Variants in STUM observed in about 807,000 individuals in gnomAD.
STUM encodes stum, mechanosensory transduction mediator homolog, also known as protein stum homolog.
In STUM, 8 loss-of-function variants were observed where a neutral mutation model predicts 15.3. That is an observed-to-expected ratio of 0.52 (90% CI 0.31 to 0.94). The LOEUF is 0.94. STUM is among the 40% of genes least tolerant of loss of function. The pLI, the probability that STUM is intolerant of heterozygous loss-of-function variation, is 0.05. For synonymous variants in STUM, 78 were observed against 88.7 expected (o/e 0.88, Z 0.68); for missense variants, 142 against 204.9 (o/e 0.69, Z 1.87).
intron 1 of STUM, among the ~76,000 whole-genome samples, chr1:226,580,326 G>A (rs1667898232): frequency 1.3e-5 from 2 of 152,256 alleles, no homozygotes; most frequent in African/African-American, 4.8e-5. Flanking sequence ...CAGAAGAGGT[G>A]TCAAGTAAGC....
intron 1 of STUM, among the ~76,000 whole-genome samples, chr1:226,594,638 T>C (rs553927915): frequency 1.1e-4 from 16 of 152,176 alleles, no homozygotes; most frequent in African/African-American, 3.4e-4. Context: ...ACAGAACAAG[T>C]AGGATATATG....
At chr1:226,566,954 A>G (rs1486719134) in intron 1 of STUM, among the ~76,000 whole-genome samples, 3 of 151,708 alleles carry the variant, frequency 2.0e-5, no homozygotes, top group African/African-American at 7.3e-5. Flanking sequence ...TGTTGGGGGG[A>G]AGGTAGGTGG....
intron 1 of STUM, among the ~76,000 whole-genome samples, chr1:226,591,120 G>T (rs2282426): frequency 0.42 from 64,416 of 152,090 alleles, 13,869 homozygotes; most frequent in Admixed American, 0.49. Flanking sequence ...ACACCTCTTC[G>T]TAGGAAAATG....
chr1:226,554,868 A>G (rs1344852253), intron 1 of STUM, among the ~76,000 whole-genome samples: 2 of 149,754 alleles, frequency 1.3e-5, no homozygotes, highest in Non-Finnish European at 3.0e-5. Context: ...GCTATCTCCA[A>G]TTCCTCCTCT....
Position 226,578,545 on chromosome 1 carries a change from T to G in STUM, c.203-18257T>G, listed in dbSNP as rs767905244. Reference sequence around the variant, plus strand: ...CATGCCTGGCTAATTTTTAAATTACTTGTAGAGACAAGGTCTTATGTTGCC... The same window carrying G: ...CATGCCTGGCTAATTTTTAAATTACGTGTAGAGACAAGGTCTTATGTTGCC... On this transcript the variant is annotated intron_variant, in intron 1 of 3. Transcript: ENST00000366788. Among the ~76,000 whole-genome samples the G allele has an allele frequency of 4.1e-4, 61 of 148,398 alleles. 1 individual carries two copies. The highest frequency in any genetic ancestry group is 7.8e-4 in the Non-Finnish European group (52 of 66,918).
At chr1:226,553,530 G>C (rs926376703) in intron 1 of STUM, among the ~76,000 whole-genome samples, 7 of 152,162 alleles carry the variant, frequency 4.6e-5, no homozygotes, top group African/African-American at 1.7e-4. Flanking sequence ...GGTTATTAGG[G>C]ATATGATGTA....
rs1668397034 is a variant in STUM at position 226,608,465 on chromosome 1, A to G, written c.*6425A>G. 1 of 152,098 alleles carries G rather than the reference A, an allele frequency of 6.6e-6. No homozygotes were observed. The highest frequency in any genetic ancestry group is 6.5e-5 in the Admixed American group (1 of 15,284). The allele number at this position is 152,098 out of a possible 1,614,324, so 9.4% of individuals were successfully genotyped here. The stretch of plus-strand genomic sequence containing the variant: ...TTTTTTTTTAAACAACATATATAAA[A>G]ACAAAACAACTGGTTCTGTGTGTAT... On this transcript the variant is annotated 3_prime_UTR_variant, in exon 4 of 4. Transcript: ENST00000366788. The surrounding 1 kb of genome is among the most constrained non-coding windows in gnomAD (Gnocchi z 4.0).
intron 1 of STUM, among the ~76,000 whole-genome samples, chr1:226,578,527 G>T (rs774010561): frequency 1.3e-5 from 2 of 150,402 alleles, no homozygotes; most frequent in African/African-American, 4.9e-5. Context: ...CACCATGCCT[G>T]GCTAATTTTT....
chr1:226,553,401 C>T (rs1266702668), intron 1 of STUM, among the ~76,000 whole-genome samples: 1 of 152,118 alleles, frequency 6.6e-6, no homozygotes, highest in African/African-American at 2.4e-5. Context: ...AGACAAAGAG[C>T]CATGCAAAAG....
chr1:226,579,998 G>C (rs937307295), intron 1 of STUM, among the ~76,000 whole-genome samples: 8 of 152,214 alleles, frequency 5.3e-5, no homozygotes, highest in African/African-American at 1.9e-4. Flanking sequence ...CATCCCTGTA[G>C]CTGTTGTAGG....
rs190326506 is a variant in STUM, at chr1:226,583,711, T to C, written c.203-13091T>C. ...GCTATCTTTTGATAAACTTCTGGACTTCCTATAGCATGGCTGCAGTGCAGT... is the reference window on the plus strand; with the variant it reads ...GCTATCTTTTGATAAACTTCTGGACCTCCTATAGCATGGCTGCAGTGCAGT... On this transcript the variant is annotated intron_variant, in intron 1 of 3. Coordinates refer to ENST00000366788, the MANE Select transcript of STUM (RefSeq NM_001003665.4). Among the ~76,000 whole-genome samples, 330 of 152,314 alleles carry C rather than the reference T, an allele frequency of 2.2e-3. 2 individuals carry two copies. Among genetic ancestry groups the C allele is most frequent in the African/African-American group, 7.8e-3 (324 of 41,562 alleles).
intron 1 of STUM, among the ~76,000 whole-genome samples, chr1:226,585,008 A>G (rs758206725): frequency 1.3e-5 from 2 of 152,266 alleles, no homozygotes; most frequent in Non-Finnish European, 2.9e-5. Context: ...CCCCCACACA[A>G]TACACTTTCT....
chr1:226,577,632 A>C (rs986303034), intron 1 of STUM, among the ~76,000 whole-genome samples: 1 of 152,112 alleles, frequency 6.6e-6, no homozygotes, highest in Non-Finnish European at 1.5e-5. Flanking sequence ...GAAAGCTGAG[A>C]GCCCCTCGGG....
At position 226,549,197 on chromosome 1, in the gene STUM, G is replaced by A. The variant is rs1400416721; in HGVS notation, c.202+91G>A. On this transcript the variant is annotated intron_variant, in intron 1 of 3. Transcript: ENST00000366788. This position sits in a 1 kb window ranked among gnomAD's most constrained non-coding sequence, Gnocchi z 6.8. ...AGGGCGCGGCCGGAGACCTCCTGGCGGGGCCGCGCGCTCCAAGTGCTGCGA... is the reference window on the plus strand; with the variant it reads ...AGGGCGCGGCCGGAGACCTCCTGGCAGGGCCGCGCGCTCCAAGTGCTGCGA... 39 of 1,149,268 alleles carry A rather than the reference G, an allele frequency of 3.4e-5. No individual in the cohort carries two copies. The highest frequency in any genetic ancestry group is 4.6e-5 in the Non-Finnish European group (38 of 821,310). 71.2% of individuals were successfully genotyped at this position (1,149,268 alleles called of 1,614,324 possible). A position where few individuals can be genotyped will look rare whatever the true frequency, so the allele number is the denominator to read the frequency against.
intron 1 of STUM, among the ~76,000 whole-genome samples, chr1:226,595,001 G>T (rs1462961068): frequency 6.6e-6 from 1 of 152,200 alleles, no homozygotes. Flanking sequence ...TGATCACAGA[G>T]GTGGAGAAGT....
rs115597945 is a variant in STUM at position 226,560,517 on chromosome 1, G to A, written c.202+11411G>A. Among the ~76,000 whole-genome samples, 811 of 152,312 alleles carry A rather than the reference G, an allele frequency of 5.3e-3. 11 individuals carry two copies. Among genetic ancestry groups the A allele is most frequent in the African/African-American group, 0.019 (776 of 41,564 alleles). Reference sequence around the variant, plus strand: ...TCATTTGAAAAAGAAGCATGTCACCGAGCAGAAAACATTCTCAATGAAAAT... The same window carrying A: ...TCATTTGAAAAAGAAGCATGTCACCAAGCAGAAAACATTCTCAATGAAAAT... On this transcript the variant is annotated intron_variant, in intron 1 of 3. Coordinates refer to ENST00000366788, the MANE Select transcript of STUM (RefSeq NM_001003665.4).
At chr1:226,582,466 G>A (rs1053921636) in intron 1 of STUM, among the ~76,000 whole-genome samples, 8 of 152,122 alleles carry the variant, frequency 5.3e-5, no homozygotes, top group Middle Eastern at 3.4e-3. Context: ...GTGGTGGCGG[G>A]CACCTGTAAT....
At chr1:226,581,861 C>T (rs985360633) in intron 1 of STUM, among the ~76,000 whole-genome samples, 4 of 152,224 alleles carry the variant, frequency 2.6e-5, no homozygotes, top group African/African-American at 9.7e-5. Flanking sequence ...TCATCCTTCA[C>T]GGGGACCCAT....
chr1:226,576,489 T>TAA (rs927801985), intron 1 of STUM, among the ~76,000 whole-genome samples: 37 of 152,218 alleles, frequency 2.4e-4, no homozygotes, highest in Admixed American at 4.6e-4. Flanking sequence ...GTGTCCCAGG[T>TAA]AAAGACCCAT....
Sources: allele counts gnomAD v4.1 joint callset (sites outside exome capture counted in the v4.1 genomes callset), GRCh38; gene constraint gnomAD v4.1.1; non-coding constraint Gnocchi (gnomAD v3.1); transcripts MANE v1.5; gene names NCBI Gene and HGNC (gene_info 2026-07-23, HGNC 2026-07-21).